Variants in SPAG6 observed in about 807,000 individuals in gnomAD.
SPAG6 encodes the protein sperm associated antigen 6.
In SPAG6, 49 loss-of-function variants were observed where a neutral mutation model predicts 58.5. The ratio of observed to expected loss-of-function variants is 0.84; its 90% CI spans 0.67 to 1.06. The LOEUF is 1.06. Ranked by LOEUF, SPAG6 falls within the 50% of genes least tolerant of loss-of-function variation. SPAG6 has a pLI of 0.00. For missense variants in SPAG6, 560 were observed against 611.3 expected, an observed-to-expected ratio of 0.92 and a Z score of 0.89; for synonymous variants, 233 against 225.6, an observed-to-expected ratio of 1.03 and a Z score of -0.29.
chr10:22,393,823 C>T (rs1361459882), intron 8 of SPAG6, among the ~76,000 whole-genome samples: 2 of 152,126 alleles, frequency 1.3e-5, no homozygotes, highest in African/African-American at 4.8e-5. Context: ...CAAGCCTGTT[C>T]GATTTGACAC....
At chr10:22,373,489 A>C (rs1833749446) in intron 4 of SPAG6, among the ~76,000 whole-genome samples, 1 of 152,206 alleles carries the variant, frequency 6.6e-6, no homozygotes, top group African/African-American at 2.4e-5. Flanking sequence ...AACACAAAAT[A>C]TAGTCTTAGC....
intron 4 of SPAG6, among the ~76,000 whole-genome samples, chr10:22,372,685 G>A (rs549248716): frequency 5.3e-5 from 8 of 152,192 alleles, no homozygotes; most frequent in South Asian, 2.1e-4. Flanking sequence ...GCAAGTGTGC[G>A]GAAGTGTTTT....
chr10:22,401,080 T>C (rs764729453), intron 8 of SPAG6, 81 bp from the exon 9 acceptor site: 52 of 726,052 alleles, frequency 7.2e-5, no homozygotes, highest in Admixed American at 1.4e-4. Flanking sequence ...TATTTTGAAA[T>C]TCCAGGAATG....
At chr10:22,398,575 C>A (rs1023053926) in intron 8 of SPAG6, among the ~76,000 whole-genome samples, 3 of 152,004 alleles carry the variant, frequency 2.0e-5, no homozygotes, top group African/African-American at 7.2e-5. Flanking sequence ...AAAAACAAAA[C>A]AAAACTAGCA....
intron 4 of SPAG6, among the ~76,000 whole-genome samples, chr10:22,378,263 T>C (rs11012973): frequency 0.062 from 9,356 of 151,624 alleles, 976 homozygotes; most frequent in African/African-American, 0.21. Flanking sequence ...GGGGTTTCAC[T>C]ATGTTGGCCA....
At chr10:22,366,795 C>T (rs1375401603) in intron 3 of SPAG6, among the ~76,000 whole-genome samples, 1 of 152,074 alleles carries the variant, frequency 6.6e-6, no homozygotes, top group Non-Finnish European at 1.5e-5. Context: ...TGGTATCCCA[C>T]GTAGAAGATT....
rs1274312200 is a variant in SPAG6 at position 22,345,671 on chromosome 10, G to A, written c.25+35G>A. 3 of 1,574,670 alleles carry A rather than the reference G, an allele frequency of 1.9e-6. No homozygotes were observed. The South Asian group carries it at 3.5e-5, about 18-fold the overall frequency. Reference sequence around the variant, plus strand: ...AGGCGGGCAGGTGCCCTAACTAGCTGGCGCCGAGGAGACCCGGGTGCGGTG... The same window carrying A: ...AGGCGGGCAGGTGCCCTAACTAGCTAGCGCCGAGGAGACCCGGGTGCGGTG... On this transcript the variant is annotated intron_variant, in intron 1 of 10. Transcript: ENST00000376624. The surrounding 1 kb of genome is among the most constrained non-coding windows in gnomAD (Gnocchi z 6.3).
intron 2 of SPAG6, among the ~76,000 whole-genome samples, chr10:22,355,227 C>T (rs1333039542): frequency 6.6e-6 from 1 of 152,106 alleles, no homozygotes; most frequent in Non-Finnish European, 1.5e-5. Context: ...TAGACGCGAG[C>T]CATGAAGAGC....
At chr10:22,387,022 G>A in intron 5 of SPAG6, 63 bp downstream of exon 5, 2 of 1,224,768 alleles carry the variant, frequency 1.6e-6, no homozygotes, top group South Asian at 1.2e-5. Context: ...ATGGAAATGT[G>A]TACACGTGAA....
At chr10:22,348,394 T>C (rs867316424) in intron 2 of SPAG6, among the ~76,000 whole-genome samples, 1 of 152,248 alleles carries the variant, frequency 6.6e-6, no homozygotes, top group Non-Finnish European at 1.5e-5. Context: ...TTATACATTA[T>C]GGTCAAACTT....
chr10:22,394,958 C>A (rs1412602962), intron 8 of SPAG6, among the ~76,000 whole-genome samples: 2 of 152,120 alleles, frequency 1.3e-5, no homozygotes, highest in Non-Finnish European at 2.9e-5. Context: ...CAGTCCCCCA[C>A]CTTGACCTCC....
intron 8 of SPAG6, among the ~76,000 whole-genome samples, chr10:22,393,489 T>C (rs1006078325): frequency 6.6e-6 from 1 of 152,174 alleles, no homozygotes; most frequent in African/African-American, 2.4e-5. Flanking sequence ...TACATATCAC[T>C]GGAGAAAAAT....
intron 4 of SPAG6, among the ~76,000 whole-genome samples, chr10:22,371,562 GTTTT>G (rs1332757155): frequency 6.6e-6 from 1 of 151,970 alleles, no homozygotes; most frequent in Non-Finnish European, 1.5e-5. Context: ...TTGTTTGTTT[GTTTT>G]GTTTGTTTTT....
chr10:22,414,180 G>T (rs990898029), intron 10 of SPAG6, among the ~76,000 whole-genome samples: 1 of 152,094 alleles, frequency 6.6e-6, no homozygotes, highest in African/African-American at 2.4e-5. Context: ...TTTGGGGAGG[G>T]AGACATGGAC....
intron 7 of SPAG6, among the ~76,000 whole-genome samples, chr10:22,391,475 T>C (rs779945197): frequency 6.6e-6 from 1 of 152,174 alleles, no homozygotes; most frequent in Non-Finnish European, 1.5e-5. Context: ...GTTAAATACC[T>C]CTCTATTTGG....
At chr10:22,389,454 T>C in intron 7 of SPAG6, 142 bp downstream of exon 7, 1 of 750,656 alleles carries the variant, frequency 1.3e-6, no homozygotes, top group Non-Finnish European at 2.1e-6. Flanking sequence ...GTTTCAATGC[T>C]TATTAGCAAG....
At chr10:22,353,601 A>G (rs1836789179) in intron 2 of SPAG6, among the ~76,000 whole-genome samples, 1 of 152,252 alleles carries the variant, frequency 6.6e-6, no homozygotes. Context: ...AAAATTGCAC[A>G]TTAATTTCCA....
rs757830146 is a variant in SPAG6, at chr10:22,386,953, A to G, written c.672A>G (p.Lys224=). 2 of 1,612,062 alleles carry G rather than the reference A, an allele frequency of 1.2e-6. No individual in the cohort carries two copies. The highest frequency in any genetic ancestry group is 2.7e-5 in the African/African-American group (2 of 74,882). Residue 224 remains lysine (K), a synonymous_variant, in exon 5 of 11, where the codon AAA becomes AAG. Coordinates refer to ENST00000376624, the MANE Select transcript of SPAG6 (RefSeq NM_012443.4). ...AGATGATCCTGAACCCTGATGCTAA[A>G]TTGAAGGTATTTCAAAATAAGGTTG... is the stretch of plus-strand genomic sequence containing the variant. ...LAQMILNPDA[K]LKHQILSALS...
chr10:22,364,821 C>T, intron 2 of SPAG6, 32 bp from the exon 3 acceptor site: 1 of 1,549,266 alleles, frequency 6.5e-7, no homozygotes, highest in Admixed American at 1.9e-5. Flanking sequence ...TTTAAATTTT[C>T]CTGATTTCTG....
Sources: gnomAD v4.1 joint callset for allele counts (sites outside exome capture counted in the v4.1 genomes callset) on GRCh38, gnomAD v4.1.1 for gene constraint, Gnocchi (gnomAD v3.1) non-coding constraint, MANE v1.5 for transcripts, NCBI Gene and HGNC (gene_info 2026-07-23, HGNC 2026-07-21) for gene names.